Variants in MRPL37 observed in about 807,000 individuals in gnomAD.
The protein encoded by MRPL37 is mitochondrial ribosomal protein L37, also known as large ribosomal subunit protein mL37.
In MRPL37, 34 loss-of-function variants were observed where a neutral mutation model predicts 44.1. The ratio of observed to expected loss-of-function variants is 0.77; its 90% CI spans 0.59 to 1.03. The LOEUF (loss-of-function observed/expected upper bound fraction) is 1.03, where lower values mean the gene tolerates loss of function less well. Ranked by LOEUF, MRPL37 falls within the 50% of genes least tolerant of loss-of-function variation. The pLI, the probability that MRPL37 is intolerant of heterozygous loss-of-function variation, is 0.00. For synonymous variants in MRPL37, 212 were observed against 219.5 expected (o/e 0.97, Z 0.30); for missense variants, 532 against 543.7 (o/e 0.98, Z 0.21).
At chr1:54,204,321 G>T (rs1644105705) in intron 1 of MRPL37, among the ~76,000 whole-genome samples, 1 of 152,008 alleles carries the variant, frequency 6.6e-6, no homozygotes. Context: ...AGCGGAGGTT[G>T]TGGTGAGCCG....
At chr1:54,207,042 G>A (rs767426402) in intron 3 of MRPL37, among the ~76,000 whole-genome samples, 1 of 152,148 alleles carries the variant, frequency 6.6e-6, no homozygotes, top group Non-Finnish European at 1.5e-5. Flanking sequence ...GTGAGCCACC[G>A]TGCTTGGCCC....
chr1:54,217,844 A>C (rs778248480), intron 6 of MRPL37, among the ~76,000 whole-genome samples: 1 of 152,156 alleles, frequency 6.6e-6, no homozygotes, highest in Non-Finnish European at 1.5e-5. Flanking sequence ...CAGGTGCCCA[A>C]TAAATGTGTG....
intron 1 of MRPL37, among the ~76,000 whole-genome samples, chr1:54,200,806 C>T (rs1252075691): frequency 6.6e-6 from 1 of 152,216 alleles, no homozygotes; most frequent in Non-Finnish European, 1.5e-5. Context: ...TGCGTGTCAG[C>T]ATGAAAAGAG....
intron 1 of MRPL37, among the ~76,000 whole-genome samples, chr1:54,201,634 TAG>T (rs1381050140): frequency 2.0e-5 from 3 of 152,216 alleles, no homozygotes; most frequent in African/African-American, 7.2e-5. Context: ...GATACAGGGC[TAG>T]AGAAGCCATT....
chr1:54,220,729 G>T (rs1431245764), downstream of MRPL37: 1 of 471,394 alleles, frequency 2.1e-6, no homozygotes, highest in Non-Finnish European at 4.4e-6. Context: ...CTCCCGCCCA[G>T]TACAGGCTCC....
intron 4 of MRPL37, 77 bp downstream of exon 4, chr1:54,210,208 A>G: frequency 6.8e-7 from 1 of 1,460,548 alleles, no homozygotes; most frequent in Non-Finnish European, 9.4e-7. Context: ...AGGATATACT[A>G]AGAACTTGCT....
downstream of MRPL37, chr1:54,220,752 C>G (rs1644227238): frequency 4.2e-6 from 2 of 471,332 alleles, no homozygotes; most frequent in Admixed American, 2.3e-5. Context: ...AGCCAGTGAG[C>G]TGGTGAAGGA....
At chr1:54,220,559 C>T, downstream of MRPL37, 1 of 441,628 alleles carries the variant, frequency 2.3e-6, no homozygotes, top group Non-Finnish European at 4.7e-6. Context: ...CCACATGATG[C>T]AGTGTGAAGA....
downstream of MRPL37, chr1:54,220,881 G>C (rs1377072197): frequency 2.2e-6 from 1 of 452,698 alleles, no homozygotes. Flanking sequence ...CATTGTGAAC[G>C]TATTTCTCAC....
chr1:54,219,892 C>G (rs535094809), downstream of MRPL37, among the ~76,000 whole-genome samples: 1 of 152,316 alleles, frequency 6.6e-6, no homozygotes, highest in Admixed American at 6.5e-5. Context: ...CATAGGATCT[C>G]TTCGTTCTTT....
downstream of MRPL37, chr1:54,225,351 CTG>C (rs1274580190): frequency 1.6e-6 from 2 of 1,234,034 alleles, no homozygotes; most frequent in African/African-American, 1.6e-5. Context: ...GGAACAAAAA[CTG>C]TGCCCAAGAA....
intron 3 of MRPL37, 143 bp from the exon 4 acceptor site, chr1:54,209,803 C>T: frequency 5.0e-6 from 4 of 802,646 alleles, no homozygotes; most frequent in Non-Finnish European, 7.7e-6. Flanking sequence ...TGTCATGTTG[C>T]CCAGGCTGAC....
At chr1:54,216,442 G>C in intron 6 of MRPL37, 98 bp downstream of exon 6, 4 of 1,385,898 alleles carry the variant, frequency 2.9e-6, no homozygotes, top group Non-Finnish European at 4.0e-6. Context: ...TGTGAGGAGA[G>C]CCCTGGCCCT....
chr1:54,220,814 A>G (rs1320197501), downstream of MRPL37: 2 of 470,860 alleles, frequency 4.2e-6, no homozygotes, highest in Middle Eastern at 3.2e-4. Flanking sequence ...TGGATAGCGA[A>G]ACCCCACGAG....
At chr1:54,221,521 G>A (rs682196), downstream of MRPL37, among the ~76,000 whole-genome samples, 356 of 152,268 alleles carry the variant, frequency 2.3e-3, 4 homozygotes, top group African/African-American at 8.0e-3. Flanking sequence ...CCAGGGGGGC[G>A]TGCTGCCCAG....
intron 3 of MRPL37, among the ~76,000 whole-genome samples, chr1:54,207,165 A>G (rs1174699817): frequency 2.0e-5 from 3 of 152,168 alleles, no homozygotes; most frequent in Non-Finnish European, 2.9e-5. Flanking sequence ...CTTTATGCCC[A>G]TTCTGCCATC....
At position 54,216,263 on chromosome 1, in the gene MRPL37, G is replaced by T. The variant is rs765769890; in HGVS notation, c.1113G>T (p.Lys371Asn). 3.1e-6 allele frequency: 5 copies of T among 1,614,204 alleles called. No homozygotes were observed. The South Asian group carries it at 4.4e-5, about 14-fold the overall frequency. ...ACCTGGACTGTAACGAGGGTGTCAA[G>T]AATTTGGCCTGGGTGGACTCAGACC... ...TTDLDCNEGV[K>N]NLAWVDSDQL... The change falls in exon 6 of 7, where the codon AAG becomes AAT. Residue 371 changes from lysine to asparagine, a missense_variant. Lys to Asn is a moderately conservative substitution (Grantham distance 94). Coordinates refer to ENST00000360840, the MANE Select transcript of MRPL37 (RefSeq NM_016491.4).
At position 54,216,272 on chromosome 1, in the gene MRPL37, C is replaced by G. The variant is rs1336023878; in HGVS notation, c.1122C>G (p.Ala374=). 1 of 1,614,034 alleles carries G rather than the reference C, an allele frequency of 6.2e-7. No individual in the cohort carries two copies. The highest frequency in any genetic ancestry group is 2.2e-5 in the East Asian group (1 of 44,882). The change falls in exon 6 of 7, where the codon GCC becomes GCG. Residue 374 remains alanine, a synonymous_variant. Transcript: ENST00000360840. ...LDCNEGVKNL[A]WVDSDQLLYQ... is the part of the protein sequence containing the mutation. ...GTAACGAGGGTGTCAAGAATTTGGC[C>G]TGGGTGGACTCAGACCAGCTCCTCT... is the stretch of plus-strand genomic sequence containing the variant.
downstream of MRPL37, chr1:54,225,417 CAT>C (rs1295172866): frequency 4.9e-6 from 6 of 1,233,804 alleles, no homozygotes; most frequent in African/African-American, 7.8e-5. Context: ...ATTCCCCAAA[CAT>C]GTCAGGAAGG....
Sources: allele counts gnomAD v4.1 joint callset (sites outside exome capture counted in the v4.1 genomes callset), GRCh38; gene constraint gnomAD v4.1.1; transcripts MANE v1.5; gene names NCBI Gene and HGNC (gene_info 2026-07-23, HGNC 2026-07-21).